IST1: variants seen among roughly 807,000 people sequenced by gnomAD.
IST1 encodes the protein IST1 homolog.
IST1 carries 23 observed loss-of-function variants against 37.0 expected under a neutral mutation model. The ratio of observed to expected loss-of-function variants is 0.62; its 90% CI spans 0.45 to 0.88. The LOEUF is 0.88. Among genes scored for constraint, IST1 ranks in the 40% least tolerant of loss-of-function variants. IST1 has a pLI of 0.00. For missense variants in IST1, 488 were observed against 445.4 expected (o/e 1.10, Z -0.86); for synonymous variants, 180 against 161.7 (o/e 1.11, Z -0.86).
At chr16:71,915,298 C>T (rs922717720) in intron 1 of IST1, among the ~76,000 whole-genome samples, 9 of 152,130 alleles carry the variant, frequency 5.9e-5, no homozygotes, top group African/African-American at 2.2e-4. Context: ...TTTCATCTGT[C>T]ACCAAATTCT....
rs1332761007 is a variant in IST1 at position 71,928,384 on chromosome 16, G to T, written c.*571G>T. ...CTCATTGGCATATACAGTACTCCTC[G>T]CTGCAGGGCACTGTCCCACCGGGAT... On this transcript the variant is annotated 3_prime_UTR_variant, in exon 10 of 10. Coordinates refer to ENST00000378799, the MANE Select transcript of IST1 (RefSeq NM_001270975.2). The T allele has an allele frequency of 6.5e-6, 1 of 153,966 alleles. No individual in the cohort carries two copies. The highest frequency in any genetic ancestry group is 1.4e-5 in the Non-Finnish European group (1 of 69,022). 9.5% of individuals were successfully genotyped at this position (153,966 alleles called of 1,614,324 possible).
rs998712717 is a variant in IST1 at position 71,930,739 on chromosome 16, C to T, written c.*2926C>T. 2 of 151,840 alleles carry T rather than the reference C, an allele frequency of 1.3e-5. No individual in the cohort carries two copies. The highest frequency in any genetic ancestry group is 4.8e-5 in the African/African-American group (2 of 41,310). 9.4% of individuals were successfully genotyped at this position (151,840 alleles called of 1,614,324 possible). On this transcript the variant is annotated 3_prime_UTR_variant, in exon 10 of 10. Coordinates refer to ENST00000378799, the MANE Select transcript of IST1 (RefSeq NM_001270975.2). ...TTTCTGCATACATAAATATCAAGTT[C>T]TGGGCTTATTGGAATGGTTCCCATA...
At chr16:71,907,744 T>A (rs1163843670) in intron 1 of IST1, among the ~76,000 whole-genome samples, 2 of 152,210 alleles carry the variant, frequency 1.3e-5, no homozygotes, top group Non-Finnish European at 2.9e-5. Context: ...CTTTTCTCTG[T>A]CATTTCCCAT....
chr16:71,899,687 C>A (rs1319107187), intron 1 of IST1, among the ~76,000 whole-genome samples: 1 of 151,016 alleles, frequency 6.6e-6, no homozygotes, highest in Non-Finnish European at 1.5e-5. Flanking sequence ...ACCAGCCTAG[C>A]CAACATGGTG....
chr16:71,897,047 T>C (rs1318022974), intron 1 of IST1, among the ~76,000 whole-genome samples: 1 of 151,790 alleles, frequency 6.6e-6, no homozygotes, highest in Non-Finnish European at 1.5e-5. Flanking sequence ...CAGACGGGGG[T>C]CTCACTCTGT....
At chr16:71,925,111 C>T (rs571201879) in intron 9 of IST1, among the ~76,000 whole-genome samples, 1 of 149,264 alleles carries the variant, frequency 6.7e-6, no homozygotes, top group East Asian at 2.0e-4. Context: ...CTCCCGGGTT[C>T]ACGCCATTCT....
At chr16:71,902,498 G>C (rs764695431) in intron 1 of IST1, among the ~76,000 whole-genome samples, 4 of 152,158 alleles carry the variant, frequency 2.6e-5, no homozygotes, top group Admixed American at 2.6e-4. Context: ...TCGAACTCTT[G>C]ACCACAAGTA....
Position 71,927,722 on chromosome 16 carries a change from C to G in IST1, c.1010C>G (p.Thr337Ser), listed in dbSNP as rs767722878. Residue 337 changes from threonine (T) to serine (S), a missense_variant, in exon 10 of 10, where the codon ACT becomes AGT. This residue lies in a region of IST1 where 455 missense variants were observed against 386.2 expected (regional missense o/e 1.18). Coordinates refer to ENST00000378799, the MANE Select transcript of IST1 (RefSeq NM_001270975.2). ...CCATCTGTGCCAGACACACTACCAA[C>G]TGCATCTGCTGGTGCCAGCACCTCA... is the stretch of plus-strand genomic sequence containing the variant. Reference protein sequence around the residue: ...ELPSVPDTLPTASAGASTSAS... With the variant: ...ELPSVPDTLPSASAGASTSAS... 1.4e-5 allele frequency: 23 copies of G among 1,613,588 alleles called. No individual in the cohort carries two copies. Among genetic ancestry groups the G allele is most frequent in the South Asian group, 7.7e-5 (7 of 91,076 alleles).
At chr16:71,906,002 C>CTTTTTTT (rs35581900) in intron 1 of IST1, among the ~76,000 whole-genome samples, 2 of 127,770 alleles carry the variant, frequency 1.6e-5, no homozygotes, top group South Asian at 2.5e-4. Context: ...TTAAGCAATT[C>CTTTTTTT]TTTTTTTTTT....
intron 4 of IST1, among the ~76,000 whole-genome samples, chr16:71,917,558 C>T (rs766753092): frequency 6.6e-6 from 1 of 152,186 alleles, no homozygotes; most frequent in Non-Finnish European, 1.5e-5. Context: ...TGGCACCAGC[C>T]ATACTCCTGT....
At chr16:71,912,869 T>A (rs2037388376) in intron 1 of IST1, among the ~76,000 whole-genome samples, 1 of 152,250 alleles carries the variant, frequency 6.6e-6, no homozygotes, top group Non-Finnish European at 1.5e-5. Flanking sequence ...CGTGACTGGC[T>A]TATTTCACTT....
chr16:71,925,894 T>C (rs2037730668), intron 9 of IST1, among the ~76,000 whole-genome samples: 1 of 152,140 alleles, frequency 6.6e-6, no homozygotes, highest in Non-Finnish European at 1.5e-5. Context: ...TGAGTGATCA[T>C]TGTACTCCAG....
intron 5 of IST1, 152 bp downstream of exon 5, chr16:71,920,974 T>G: frequency 1.4e-6 from 1 of 697,884 alleles, no homozygotes; most frequent in South Asian, 1.5e-5. Flanking sequence ...GCTGGCAGTG[T>G]GGTCCAATCC....
chr16:71,915,818 A>G (rs1363604403), intron 2 of IST1, 90 bp downstream of exon 2: 16 of 763,114 alleles, frequency 2.1e-5, no homozygotes, highest in Non-Finnish European at 3.5e-5. Context: ...ATGAAGTCTT[A>G]GGGATCATAT....
In IST1 at chr16:71,928,690, A is replaced by ACC. The variant is rs1567478365; in HGVS notation, c.*878_*879dup. ...GGAAAGCCTACAGGAAAAGAGGGGT[A>ACC]CCTGTTTTCATTTGAAAACTTTGAT... On this transcript the variant is annotated 3_prime_UTR_variant, in exon 10 of 10. Coordinates refer to ENST00000378799, the MANE Select transcript of IST1 (RefSeq NM_001270975.2). 1 of 152,630 alleles carries ACC rather than the reference A, an allele frequency of 6.6e-6. No individual in the cohort carries two copies. Among genetic ancestry groups the ACC allele is most frequent in the Non-Finnish European group, 1.5e-5 (1 of 68,046 alleles). The allele number at this position is 152,630 out of a possible 1,614,324, so 9.5% of individuals were successfully genotyped here.
chr16:71,921,527 C>A (rs1475829380), intron 6 of IST1, 74 bp downstream of exon 6: 5 of 645,064 alleles, frequency 7.8e-6, no homozygotes, highest in East Asian at 6.9e-5. Flanking sequence ...AAAAAACATT[C>A]TTTGCACTAA....
rs527295991 is a variant in IST1, at chr16:71,918,567, C to T, written c.357+1433C>T. On this transcript the variant is annotated intron_variant, in intron 4 of 9. Coordinates refer to ENST00000378799, the MANE Select transcript of IST1 (RefSeq NM_001270975.2). ...TAGTAGCTGGGATTACAGGTGCCCG[C>T]CACCATGCCCAGCTAATTTTTTGTA... is the stretch of plus-strand genomic sequence containing the variant. 3.3e-5 allele frequency among the ~76,000 whole-genome samples: 5 copies of T among 152,132 alleles called. No individual in the cohort carries two copies. In the East Asian group the frequency reaches 9.7e-4, roughly 29 times the overall value.
chr16:71,927,982 C>CT lies in IST1; in HGVS notation c.*170dup. ...CCAGATTCTGCTGCTTTCCAGTTCTCTGTTGATCCTGAGACTAACAATTGG... is the reference window on the plus strand; with the variant it reads ...CCAGATTCTGCTGCTTTCCAGTTCTCTTGTTGATCCTGAGACTAACAATTGG... On this transcript the variant is annotated 3_prime_UTR_variant, in exon 10 of 10. Transcript: ENST00000378799. 1.0e-5 allele frequency: 6 copies of CT among 598,608 alleles called. No homozygotes were observed. Among genetic ancestry groups the CT allele is most frequent in the Non-Finnish European group, 1.8e-5 (6 of 336,750 alleles). 37.1% of individuals were successfully genotyped at this position (598,608 alleles called of 1,614,324 possible).
chr16:71,910,632 A>C (rs1567465521), intron 1 of IST1, among the ~76,000 whole-genome samples: 1 of 151,740 alleles, frequency 6.6e-6, no homozygotes, highest in Non-Finnish European at 1.5e-5. Context: ...AAAAAAGAAA[A>C]AAAGGTACTA....
Sources: allele counts gnomAD v4.1 joint callset (sites outside exome capture counted in the v4.1 genomes callset), GRCh38; gene constraint gnomAD v4.1.1; regional missense constraint gnomAD v4.1.1; transcripts MANE v1.5; gene names NCBI Gene and HGNC (gene_info 2026-07-23, HGNC 2026-07-21).